SCFD2: variants seen among roughly 807,000 people sequenced by gnomAD.
SCFD2 encodes sec1 family domain containing 2, also known as sec1 family domain-containing protein 2.
In SCFD2, 54 loss-of-function variants were observed where a neutral mutation model predicts 58.9. The observed-to-expected ratio is 0.92, with a 90% CI of 0.74 to 1.15. The LOEUF (loss-of-function observed/expected upper bound fraction) is 1.15. Ranked by LOEUF, SCFD2 falls within the 50% of genes most tolerant of loss-of-function variation. The probability of loss-of-function intolerance (pLI) is 0.00; values close to 1 mark genes in which losing one functional copy is unlikely to be tolerated. For missense variants in SCFD2, 805 were observed against 836.6 expected (o/e 0.96, Z 0.47); for synonymous variants, 321 against 335.9 (o/e 0.96, Z 0.49).
At chr4:53,068,961 T>A (rs1342972483) in intron 5 of SCFD2, among the ~76,000 whole-genome samples, 1 of 151,986 alleles carries the variant, frequency 6.6e-6, no homozygotes, top group Non-Finnish European at 1.5e-5. Context: ...CTACCTTAAG[T>A]AATATTACAA....
At position 53,105,978 on chromosome 4, in the gene SCFD2, A is replaced by G. The variant is rs183403085; in HGVS notation, c.1561+39355T>C. Among the ~76,000 whole-genome samples, 653 of 148,764 alleles carry G rather than the reference A, an allele frequency of 4.4e-3. 4 individuals carry two copies. The highest frequency in any genetic ancestry group is 0.015 in the African/African-American group (622 of 40,322). On this transcript the variant is annotated intron_variant, in intron 5 of 8. Transcript: ENST00000401642. Reference sequence around the variant, plus strand: ...GGCATCTGGTGGGTGCCCCTCTGGGACGAAGCTTCCAGAGGAAGGAACAGG... The same window carrying G: ...GGCATCTGGTGGGTGCCCCTCTGGGGCGAAGCTTCCAGAGGAAGGAACAGG...
chr4:53,339,717 C>A (rs1733803364), intron 2 of SCFD2, among the ~76,000 whole-genome samples: 1 of 151,712 alleles, frequency 6.6e-6, no homozygotes, highest in African/African-American at 2.4e-5. Flanking sequence ...TTGCAGTGGG[C>A]CAAGATTGCA....
chr4:52,996,322 C>G (rs984409884), intron 5 of SCFD2, among the ~76,000 whole-genome samples: 1 of 152,222 alleles, frequency 6.6e-6, no homozygotes, highest in South Asian at 2.1e-4. Context: ...GATAACAGAG[C>G]AATGATAAAA....
intron 5 of SCFD2, among the ~76,000 whole-genome samples, chr4:53,058,978 A>AGT (rs1723427827): frequency 6.6e-6 from 1 of 152,164 alleles, no homozygotes; most frequent in Non-Finnish European, 1.5e-5. Flanking sequence ...CATGCCACTC[A>AGT]GTGCCACAGC....
At chr4:53,152,616 T>C (rs1726544278) in intron 4 of SCFD2, among the ~76,000 whole-genome samples, 1 of 152,144 alleles carries the variant, frequency 6.6e-6, no homozygotes, top group Admixed American at 6.5e-5. Context: ...TCCTCAAATC[T>C]CATGTCCTCG....
At chr4:53,350,280 A>G (rs1734177306) in intron 2 of SCFD2, among the ~76,000 whole-genome samples, 1 of 152,168 alleles carries the variant, frequency 6.6e-6, no homozygotes, top group South Asian at 2.1e-4. Flanking sequence ...ACTGGGCAAA[A>G]GGTGGGCACA....
chr4:53,139,389 GCGCC>G (rs2148906901), intron 5 of SCFD2, among the ~76,000 whole-genome samples: 1 of 115,976 alleles, frequency 8.6e-6, no homozygotes, highest in South Asian at 2.5e-4. Flanking sequence ...GAAGTGAGGA[GCGCC>G]TCTTCCCGGC....
intron 7 of SCFD2, among the ~76,000 whole-genome samples, chr4:52,901,115 C>A (rs894613427): frequency 6.6e-6 from 1 of 152,254 alleles, no homozygotes; most frequent in African/African-American, 2.4e-5. Context: ...CCTCGACCTG[C>A]TTTGGCTCAT....
intron 2 of SCFD2, among the ~76,000 whole-genome samples, chr4:53,331,888 G>C (rs201549484): frequency 1.6e-4 from 24 of 147,648 alleles, no homozygotes; most frequent in Admixed American, 4.7e-4. Flanking sequence ...GAATCAAATA[G>C]AGGCAATAAA....
chr4:52,924,223 C>G, intron 5 of SCFD2, among the ~76,000 whole-genome samples: 1 of 152,054 alleles, frequency 6.6e-6, no homozygotes. Flanking sequence ...GGAATAGAAT[C>G]ATCTACTAGA....
intron 5 of SCFD2, among the ~76,000 whole-genome samples, chr4:53,072,009 G>A (rs1231176046): frequency 6.6e-6 from 1 of 152,110 alleles, no homozygotes; most frequent in Non-Finnish European, 1.5e-5. Flanking sequence ...TTCTTCTGGT[G>A]ACAGATCCTA....
intron 4 of SCFD2, among the ~76,000 whole-genome samples, chr4:53,175,542 A>C (rs1480649768): frequency 6.6e-6 from 1 of 152,198 alleles, no homozygotes; most frequent in Non-Finnish European, 1.5e-5. Context: ...GAAACTCCTA[A>C]TTGAAATATT....
At chr4:53,329,965 T>C (rs370908481) in intron 2 of SCFD2, among the ~76,000 whole-genome samples, 1 of 151,386 alleles carries the variant, frequency 6.6e-6, no homozygotes, top group African/African-American at 2.4e-5. Flanking sequence ...CCTCAGGAGC[T>C]GATGCGATCA....
chr4:53,135,602 C>T (rs1285785480), intron 5 of SCFD2, among the ~76,000 whole-genome samples: 2 of 152,048 alleles, frequency 1.3e-5, no homozygotes, highest in African/African-American at 2.4e-5. Context: ...ATTAGCTGGG[C>T]ATGGTGGTAC....
chr4:53,238,347 G>GT (rs1729749673), intron 4 of SCFD2, among the ~76,000 whole-genome samples: 15 of 1,108 alleles, frequency 0.014, no homozygotes, highest in Admixed American at 0.052. Flanking sequence ...GGCTGGCCGG[G>GT]CGGGGGCTGA....
chr4:52,999,204 C>T (rs934672014), intron 5 of SCFD2, among the ~76,000 whole-genome samples: 2 of 152,312 alleles, frequency 1.3e-5, no homozygotes, highest in Non-Finnish European at 2.9e-5. Context: ...ACCCTGATTG[C>T]CTATACCCTA....
intron 4 of SCFD2, among the ~76,000 whole-genome samples, chr4:53,223,710 T>A (rs559979318): frequency 1.5e-3 from 232 of 152,270 alleles, no homozygotes; most frequent in Middle Eastern, 0.01. Flanking sequence ...CCACCGCAAA[T>A]AAGTCCACCA....
intron 7 of SCFD2, among the ~76,000 whole-genome samples, chr4:52,899,094 T>C (rs1002727818): frequency 6.6e-6 from 1 of 152,246 alleles, no homozygotes; most frequent in African/African-American, 2.4e-5. Context: ...GGGTCTTGAC[T>C]CTTTATCCGA....
intron 5 of SCFD2, among the ~76,000 whole-genome samples, chr4:53,051,508 G>C (rs1723191267): frequency 6.6e-6 from 1 of 152,180 alleles, no homozygotes; most frequent in South Asian, 2.1e-4. Flanking sequence ...CCAAGCCCCT[G>C]AGTTACCTGT....
Sources: gnomAD v4.1 joint callset for allele counts (sites outside exome capture counted in the v4.1 genomes callset) on GRCh38, gnomAD v4.1.1 for gene constraint, MANE v1.5 for transcripts, NCBI Gene and HGNC (gene_info 2026-07-23, HGNC 2026-07-21) for gene names.